The following SCP2 variants were observed in gnomAD, a reference collection of about 807,000 sequenced individuals.
SCP2 encodes SCP-2/3-oxoacyl-CoA thiolase.
A neutral mutation model predicts 71.4 loss-of-function variants in SCP2; 48 were observed. The ratio of observed to expected loss-of-function variants is 0.67; its 90% confidence interval spans 0.53 to 0.86. SCP2 has a LOEUF of 0.86. Ranked by LOEUF, SCP2 falls within the 40% of genes least tolerant of loss-of-function variation. SCP2 has a pLI of 0.00. For missense variants in SCP2, 560 were observed against 655.6 expected (o/e 0.85, Z 1.59); for synonymous variants, 220 against 218.1 (o/e 1.01, Z -0.08).
At chr1:52,987,346 A>G (rs1422165768) in intron 10 of SCP2, among the ~76,000 whole-genome samples, 1 of 152,216 alleles carries the variant, frequency 6.6e-6, no homozygotes, top group Non-Finnish European at 1.5e-5. Flanking sequence ...TACCTTTGAC[A>G]GCATTGCCAC....
In SCP2 at chr1:52,995,319, T is replaced by C. The variant is rs573615649; in HGVS notation, c.1081+7183T>C. 6.5e-5 allele frequency: 31 copies of C among 478,794 alleles called. No individual in the cohort carries two copies. In the Admixed American group the frequency reaches 6.6e-4, roughly 10 times the overall value. The allele number at this position is 478,794 out of a possible 1,614,324, so 29.7% of individuals were successfully genotyped here. On this transcript the variant is annotated intron_variant, in intron 11 of 15. Transcript: ENST00000371514. ...AGAACACTGATGAGACCTACTGCAT[T>C]GACAATGAGGCCCTCTATGACATCT...
At chr1:52,990,605 G>A (rs1002258300) in intron 11 of SCP2, among the ~76,000 whole-genome samples, 1 of 151,748 alleles carries the variant, frequency 6.6e-6, no homozygotes, top group African/African-American at 2.4e-5. Flanking sequence ...GTGGTGGCGG[G>A]CGCCTGCAGT....
intron 1 of SCP2, among the ~76,000 whole-genome samples, chr1:52,928,298 G>C (rs1264946354): frequency 2.0e-5 from 3 of 152,218 alleles, no homozygotes. Context: ...CTGGGTACCT[G>C]GCTTATTCAC....
intron 11 of SCP2, among the ~76,000 whole-genome samples, chr1:53,006,201 C>T (rs1030497661): frequency 1.3e-5 from 2 of 152,210 alleles, no homozygotes; most frequent in African/African-American, 4.8e-5. Flanking sequence ...TTGGAAAACA[C>T]TCTTCAGGAT....
chr1:52,982,408 A>G (rs1658607638), intron 10 of SCP2, among the ~76,000 whole-genome samples: 1 of 152,076 alleles, frequency 6.6e-6, no homozygotes. Context: ...CTCTCTACTA[A>G]AAATACAAAA....
chr1:52,927,538 C>T (rs1490629346), intron 1 of SCP2, 73 bp downstream of exon 1: 26 of 1,161,610 alleles, frequency 2.2e-5, no homozygotes, highest in Middle Eastern at 1.9e-4. Flanking sequence ...TCTGTCCCTC[C>T]GGTCTCCTAG....
chr1:52,998,294 A>G (rs61599020), intron 11 of SCP2, among the ~76,000 whole-genome samples: 1 of 152,108 alleles, frequency 6.6e-6, no homozygotes, highest in Non-Finnish European at 1.5e-5. Flanking sequence ...GGACAGATCT[A>G]TATGAGTAAC....
intron 12 of SCP2, among the ~76,000 whole-genome samples, chr1:53,025,411 G>A (rs1662052272): frequency 6.6e-6 from 1 of 152,038 alleles, no homozygotes; most frequent in Non-Finnish European, 1.5e-5. Flanking sequence ...TCTCTAGCTG[G>A]CCCTCTCCAC....
chr1:52,975,713 G>A (rs1657906359), intron 7 of SCP2, among the ~76,000 whole-genome samples: 1 of 152,190 alleles, frequency 6.6e-6, no homozygotes, highest in Admixed American at 6.5e-5. Context: ...TTGCTTTTAA[G>A]GAACTAGTAT....
At chr1:53,045,435 T>G (rs1282007646) in intron 14 of SCP2, among the ~76,000 whole-genome samples, 1 of 152,228 alleles carries the variant, frequency 6.6e-6, no homozygotes, top group South Asian at 2.1e-4. Flanking sequence ...AATTTATTCC[T>G]TGTGCATTTG....
In SCP2 at chr1:52,963,532, T is replaced by C. The variant is rs139346120; in HGVS notation, c.523+1903T>C. ...TATCTCATTTTATACCAGAAGAATC[T>C]GATATTCAGACAAGTTTTTGACCAG... On this transcript the variant is annotated intron_variant, in intron 6 of 15. Transcript: ENST00000371514. 301 of 152,324 alleles carry C rather than the reference T, an allele frequency of 2.0e-3. 2 individuals are homozygous for C. The highest frequency in any genetic ancestry group is 7.1e-3 in the African/African-American group (295 of 41,572). 9.4% of individuals were successfully genotyped at this position (152,324 alleles called of 1,614,324 possible).
At chr1:53,028,891 T>A (rs1213093513) in intron 13 of SCP2, among the ~76,000 whole-genome samples, 2 of 152,180 alleles carry the variant, frequency 1.3e-5, no homozygotes, top group Non-Finnish European at 2.9e-5. Context: ...TTCTTGTTCC[T>A]CTGCCTCCTG....
At chr1:52,978,635 T>C (rs1037037103) in intron 9 of SCP2, among the ~76,000 whole-genome samples, 2 of 152,192 alleles carry the variant, frequency 1.3e-5, no homozygotes, top group Admixed American at 6.5e-5. Context: ...CGATCTCAGC[T>C]TACTATAGCT....
At position 53,004,427 on chromosome 1, in the gene SCP2, G is replaced by A. The variant is rs184191995; in HGVS notation, c.1082-10463G>A. 2.8e-3 allele frequency among the ~76,000 whole-genome samples: 425 copies of A among 152,238 alleles called. 2 individuals are homozygous for A. Among genetic ancestry groups the A allele is most frequent in the African/African-American group, 9.8e-3 (407 of 41,536 alleles). On this transcript the variant is annotated intron_variant, in intron 11 of 15. Coordinates refer to ENST00000371514, the MANE Select transcript of SCP2 (RefSeq NM_002979.5). Reference sequence around the variant, plus strand: ...CCATCATATCCCCTGTGACCTGCACGTATACATCCAGATGGCCTGAAGCAA... The same window carrying A: ...CCATCATATCCCCTGTGACCTGCACATATACATCCAGATGGCCTGAAGCAA...
At chr1:52,977,329 A>G (rs1305873415) in intron 8 of SCP2, among the ~76,000 whole-genome samples, 1 of 152,148 alleles carries the variant, frequency 6.6e-6, no homozygotes, top group Non-Finnish European at 1.5e-5. Flanking sequence ...GTCAGCTTTT[A>G]TTTGTTGTGA....
chr1:52,949,058 G>T (rs756994052), intron 3 of SCP2, among the ~76,000 whole-genome samples: 37 of 151,748 alleles, frequency 2.4e-4, no homozygotes, highest in Non-Finnish European at 4.7e-4. Context: ...AGCTTATTTA[G>T]AAGTAGTAAT....
intron 1 of SCP2, 59 bp downstream of exon 1, chr1:52,927,524 T>C: frequency 7.7e-7 from 1 of 1,300,496 alleles, no homozygotes; most frequent in Non-Finnish European, 1.1e-6. Flanking sequence ...GGTGCCTGGG[T>C]TTCTCTGTCC....
intron 6 of SCP2, among the ~76,000 whole-genome samples, chr1:52,971,265 C>T (rs1333763914): frequency 1.3e-5 from 2 of 152,008 alleles, no homozygotes; most frequent in Non-Finnish European, 2.9e-5. Context: ...CGTGAGCCAC[C>T]GCTCCCGGCC....
chr1:53,050,335 C>A, intron 15 of SCP2: 1 of 402,798 alleles, frequency 2.5e-6, no homozygotes, highest in Non-Finnish European at 4.7e-6. Context: ...TAGTATGAAC[C>A]CACTTTGAGG....
Sources: gnomAD v4.1 joint callset for allele counts (sites outside exome capture counted in the v4.1 genomes callset) on GRCh38, gnomAD v4.1.1 for gene constraint, MANE v1.5 for transcripts, NCBI Gene and HGNC (gene_info 2026-07-23, HGNC 2026-07-21) for gene names.